ARHGEF11: variants seen among roughly 807,000 people sequenced by gnomAD.
ARHGEF11 encodes the protein Rho guanine nucleotide exchange factor 11.
In ARHGEF11, 55 loss-of-function variants were observed where a neutral mutation model predicts 193.7. That is an observed-to-expected ratio of 0.28 (90% CI 0.23 to 0.36). The LOEUF (loss-of-function observed/expected upper bound fraction) is 0.36. Ranked by LOEUF, ARHGEF11 falls within the 10% of genes least tolerant of loss-of-function variation. The pLI is 1.00. For missense variants in ARHGEF11, 1,723 were observed against 2,005.6 expected (o/e 0.86, Z 2.69); for synonymous variants, 693 against 768.0 (o/e 0.90, Z 1.62).
chr1:156,973,967 TTTGA>T (rs1662898455), intron 7 of ARHGEF11, among the ~76,000 whole-genome samples: 1 of 152,222 alleles, frequency 6.6e-6, no homozygotes, highest in South Asian at 2.1e-4. Context: ...CTCAAAGTTC[TTTGA>T]TTAATTCCCA....
chr1:156,956,625 A>G (rs1382623717), intron 18 of ARHGEF11, 61 bp from the exon 19 acceptor site: 1 of 1,605,270 alleles, frequency 6.2e-7, no homozygotes, highest in East Asian at 2.2e-5. Context: ...TGTGCCAAAC[A>G]ATCTCTTCAC....
rs71084208 is a variant in ARHGEF11 at position 157,013,263 on chromosome 1, TCA to T, written c.33-27092_33-27091del. 1.1e-3 allele frequency among the ~76,000 whole-genome samples: 157 copies of T among 140,808 alleles called. 1 individual carries two copies. Among genetic ancestry groups the T allele is most frequent in the African/African-American group, 3.8e-3 (140 of 36,732 alleles). The allele number at this position is 140,808 out of a possible 152,430, so 92.4% of individuals were successfully genotyped here. On this transcript the variant is annotated intron_variant, in intron 1 of 40. Transcript: ENST00000368194. ...ACTGCTCATAACTCCCCACTATCAC[TCA>T]CACACACACACACACACACACACAC...
At chr1:157,009,967 A>G (rs565771673) in intron 1 of ARHGEF11, among the ~76,000 whole-genome samples, 40 of 152,238 alleles carry the variant, frequency 2.6e-4, no homozygotes, top group African/African-American at 8.7e-4. Flanking sequence ...CCTTCCCTCA[A>G]AAACAGATGA....
At chr1:157,031,339 G>T (rs573489998) in intron 1 of ARHGEF11, among the ~76,000 whole-genome samples, 1 of 152,258 alleles carries the variant, frequency 6.6e-6, no homozygotes, top group Non-Finnish European at 1.5e-5. Context: ...ATTAGTAAAA[G>T]GATGTGTCTC....
rs568231982 is a variant in ARHGEF11 at position 157,014,749 on chromosome 1, GAGA to G, written c.33-28579_33-28577del. On this transcript the variant is annotated intron_variant, in intron 1 of 40. Coordinates refer to ENST00000368194, the MANE Select transcript of ARHGEF11 (RefSeq NM_198236.3). ...TAAGATTACCAACAGCCCCTCAACT[GAGA>G]AGTTCAGAGCATTTTCTTTTCCAGA... Among the ~76,000 whole-genome samples the G allele has an allele frequency of 4.6e-3, 697 of 152,268 alleles. 3 individuals are homozygous for G. Among genetic ancestry groups the G allele is most frequent in the Non-Finnish European group, 7.7e-3 (523 of 68,022 alleles).
At chr1:156,974,058 TTTTTTCTTTTTC>T in intron 7 of ARHGEF11, among the ~76,000 whole-genome samples, 1 of 152,160 alleles carries the variant, frequency 6.6e-6, no homozygotes, top group South Asian at 2.1e-4. Flanking sequence ...ACTCACTGCA[TTTTTTCTTTTTC>T]TTTTTCTTTT....
chr1:157,032,630 C>T (rs368629906), intron 1 of ARHGEF11, among the ~76,000 whole-genome samples: 12 of 152,124 alleles, frequency 7.9e-5, no homozygotes, highest in African/African-American at 2.9e-4. Flanking sequence ...CCAGGAGCGA[C>T]ATTTTTTTTT....
intron 1 of ARHGEF11, among the ~76,000 whole-genome samples, chr1:156,986,973 C>A (rs111460123): frequency 6.6e-5 from 10 of 152,192 alleles, no homozygotes; most frequent in Non-Finnish European, 1.5e-4. Context: ...TGAGGCACCT[C>A]GCCTAATTAG....
rs113466820 is a variant in ARHGEF11 at position 156,947,094 on chromosome 1, T to A, written c.2489-79A>T. The A allele has an allele frequency of 9.6e-6, 15 of 1,570,346 alleles. No homozygotes were observed. The Middle Eastern group carries it at 8.4e-4, about 88-fold the overall frequency. On this transcript the variant is annotated intron_variant, in intron 26 of 40. Coordinates refer to ENST00000368194, the MANE Select transcript of ARHGEF11 (RefSeq NM_198236.3). The stretch of plus-strand genomic sequence containing the variant: ...AACCTTTCTGACAGAGAGAAGTGAA[T>A]CTCTGACAGCAGTGCCATGGGAAGG...
intron 1 of ARHGEF11, among the ~76,000 whole-genome samples, chr1:157,011,533 G>A (rs1668541225): frequency 6.6e-6 from 1 of 152,086 alleles, no homozygotes; most frequent in Admixed American, 6.5e-5. Flanking sequence ...ATGCCATCAA[G>A]AAAGTGAAAA....
intron 13 of ARHGEF11, 143 bp from the exon 14 acceptor site, chr1:156,961,918 T>G: frequency 1.5e-6 from 1 of 658,466 alleles, no homozygotes; most frequent in Admixed American, 2.5e-5. Context: ...ATCTAGTGGG[T>G]ACAGCCCAGT....
intron 1 of ARHGEF11, among the ~76,000 whole-genome samples, chr1:157,004,225 C>T (rs1667550477): frequency 6.6e-6 from 1 of 152,192 alleles, no homozygotes; most frequent in Non-Finnish European, 1.5e-5. Context: ...TCAGAGCATA[C>T]AACCTCTCGT....
intron 3 of ARHGEF11, 79 bp from the exon 4 acceptor site, chr1:156,980,565 T>A (rs1052281137): frequency 6.8e-7 from 1 of 1,470,402 alleles, no homozygotes; most frequent in Non-Finnish European, 9.3e-7. Context: ...TCAGATCACC[T>A]CTCCTCTGAA....
At chr1:157,019,301 G>A (rs1388513224) in intron 1 of ARHGEF11, among the ~76,000 whole-genome samples, 1 of 152,226 alleles carries the variant, frequency 6.6e-6, no homozygotes, top group Non-Finnish European at 1.5e-5. Context: ...ATTATTATTA[G>A]TCATCAGGGA....
intron 29 of ARHGEF11, chr1:156,945,458 C>A: frequency 2.0e-6 from 1 of 498,744 alleles, no homozygotes; most frequent in Non-Finnish European, 3.6e-6. Flanking sequence ...ACAACCAGCT[C>A]TACAGATGCA....
intron 4 of ARHGEF11, among the ~76,000 whole-genome samples, chr1:156,979,724 G>A (rs899641760): frequency 6.6e-6 from 1 of 152,146 alleles, no homozygotes; most frequent in Non-Finnish European, 1.5e-5. Context: ...CTGGTCACTT[G>A]TTTACTCAAG....
chr1:157,008,422 AC>A (rs1668150542), intron 1 of ARHGEF11, among the ~76,000 whole-genome samples: 1 of 151,874 alleles, frequency 6.6e-6, no homozygotes, highest in Non-Finnish European at 1.5e-5. Flanking sequence ...ACACACACAC[AC>A]ACACACACAC....
At chr1:156,961,589 T>C in intron 14 of ARHGEF11, 88 bp downstream of exon 14, 1 of 1,108,200 alleles carries the variant, frequency 9.0e-7, no homozygotes, top group Non-Finnish European at 1.4e-6. Flanking sequence ...CTGTCTCTGT[T>C]TGGCCTGGAT....
chr1:156,987,489 A>C (rs1206853097), intron 1 of ARHGEF11, among the ~76,000 whole-genome samples: 1 of 152,250 alleles, frequency 6.6e-6, no homozygotes, highest in Admixed American at 6.5e-5. Flanking sequence ...TTATTTACAT[A>C]TCCAAAAATA....
Sources: gnomAD v4.1 joint callset for allele counts (sites outside exome capture counted in the v4.1 genomes callset) on GRCh38, gnomAD v4.1.1 for gene constraint, MANE v1.5 for transcripts, NCBI Gene and HGNC (gene_info 2026-07-23, HGNC 2026-07-21) for gene names.